The following ASZ1 variants were observed in gnomAD, a reference collection of about 807,000 sequenced individuals.
ASZ1 encodes the protein ankyrin repeat, SAM and basic leucine zipper domain containing 1, also known as ankyrin repeat, SAM and basic leucine zipper domain-containing protein 1.
A neutral mutation model predicts 61.8 loss-of-function variants in ASZ1; 67 were observed. The ratio of observed to expected loss-of-function variants is 1.08; its 90% CI spans 0.89 to 1.33. ASZ1 has a LOEUF of 1.33. Ranked by LOEUF, ASZ1 falls within the 40% of genes most tolerant of loss-of-function variation. The pLI, the probability that ASZ1 is intolerant of heterozygous loss-of-function variation, is 0.00. For synonymous variants in ASZ1, 193 were observed against 192.7 expected (o/e 1.00, Z -0.01); for missense variants, 577 against 554.5 (o/e 1.04, Z -0.41).
intron 9 of ASZ1, 39 bp from the exon 10 acceptor site, chr7:117,380,086 T>C (rs1554360882): frequency 7.5e-6 from 10 of 1,328,882 alleles, no homozygotes; most frequent in African/African-American, 1.5e-5. Flanking sequence ...AAGTTAGTTA[T>C]ACTTGAGTAA....
At chr7:117,404,129 T>G (rs1796734288) in intron 4 of ASZ1, among the ~76,000 whole-genome samples, 1 of 151,986 alleles carries the variant, frequency 6.6e-6, no homozygotes, top group African/African-American at 2.4e-5. Flanking sequence ...TATATATAGT[T>G]TTTATATGAG....
intron 4 of ASZ1, among the ~76,000 whole-genome samples, chr7:117,399,627 A>G (rs542426458): frequency 7.2e-4 from 108 of 149,906 alleles, no homozygotes; most frequent in South Asian, 1.1e-3. Flanking sequence ...AGTTGGCTAC[A>G]TGTAAAGTGT....
intron 4 of ASZ1, among the ~76,000 whole-genome samples, chr7:117,408,990 G>A (rs1370262522): frequency 6.6e-6 from 1 of 152,090 alleles, no homozygotes; most frequent in Non-Finnish European, 1.5e-5. Flanking sequence ...ATCTCAGTAA[G>A]TGGAATAAAA....
At chr7:117,370,712 A>C (rs2116448998) in intron 10 of ASZ1, among the ~76,000 whole-genome samples, 1 of 152,234 alleles carries the variant, frequency 6.6e-6, no homozygotes, top group South Asian at 2.1e-4. Flanking sequence ...AAGAGTTGAC[A>C]AGTGTATTAG....
At chr7:117,407,482 T>G (rs1009640140) in intron 4 of ASZ1, among the ~76,000 whole-genome samples, 5 of 152,124 alleles carry the variant, frequency 3.3e-5, no homozygotes, top group African/African-American at 1.2e-4. Flanking sequence ...CCCCAGTGGA[T>G]GCCTGAGGCC....
Position 117,427,338 on chromosome 7 carries a change from C to T in ASZ1, c.105+18G>A. On this transcript the variant is annotated intron_variant, in intron 1 of 12. Coordinates refer to ENST00000284629, the MANE Select transcript of ASZ1 (RefSeq NM_130768.3). ...AGGCTGAAACCAGGTGTGGTCAAGA[C>T]AAGGCCTCCTCCGCTACCTGAGACG... 1.2e-6 allele frequency: 2 copies of T among 1,613,636 alleles called. No individual in the cohort carries two copies. The highest frequency in any genetic ancestry group is 1.7e-6 in the Non-Finnish European group (2 of 1,179,482).
chr7:117,365,789 G>A (rs1795925818), intron 12 of ASZ1, among the ~76,000 whole-genome samples: 1 of 152,190 alleles, frequency 6.6e-6, no homozygotes, highest in South Asian at 2.1e-4. Flanking sequence ...GCAGTCTTAT[G>A]TTTGTTGAAT....
intron 12 of ASZ1, among the ~76,000 whole-genome samples, chr7:117,366,172 G>A (rs1483502783): frequency 6.6e-6 from 1 of 152,070 alleles, no homozygotes; most frequent in Non-Finnish European, 1.5e-5. Flanking sequence ...GCTGAGGCAG[G>A]AGAATTGCTT....
At chr7:117,385,620 T>C (rs1796338777) in intron 5 of ASZ1, 78 bp downstream of exon 5, 2 of 1,191,628 alleles carry the variant, frequency 1.7e-6, no homozygotes, top group Non-Finnish European at 1.2e-6. Flanking sequence ...TTTGTAATTA[T>C]TACTTCTTAA....
intron 4 of ASZ1, among the ~76,000 whole-genome samples, chr7:117,418,577 C>A (rs1797039867): frequency 6.6e-6 from 1 of 151,870 alleles, no homozygotes; most frequent in Non-Finnish European, 1.5e-5. Context: ...CATTTGAACC[C>A]AGGAGGCAGA....
chr7:117,391,556 T>G (rs1796468663), intron 4 of ASZ1, among the ~76,000 whole-genome samples: 1 of 152,198 alleles, frequency 6.6e-6, no homozygotes, highest in Non-Finnish European at 1.5e-5. Context: ...ATTTACTGAA[T>G]AGGGTATCCT....
chr7:117,395,185 C>T (rs1380281425), intron 4 of ASZ1, among the ~76,000 whole-genome samples: 2 of 152,094 alleles, frequency 1.3e-5, no homozygotes, highest in Admixed American at 6.5e-5. Context: ...CTTTGGCGAG[C>T]GACTCTTTTT....
chr7:117,367,579 T>C, intron 11 of ASZ1, 114 bp from the exon 12 acceptor site: 1 of 1,187,306 alleles, frequency 8.4e-7, no homozygotes, highest in Non-Finnish European at 1.1e-6. Context: ...TTGAAAGGCA[T>C]TTTTTTGTTT....
intron 6 of ASZ1, 132 bp downstream of exon 6, chr7:117,384,594 C>T: frequency 4.7e-6 from 5 of 1,061,042 alleles, no homozygotes; most frequent in Non-Finnish European, 6.5e-6. Context: ...AGGAAAGATA[C>T]ATATTTAAAC....
intron 10 of ASZ1, among the ~76,000 whole-genome samples, chr7:117,371,201 C>T (rs756717699): frequency 3.3e-5 from 5 of 152,108 alleles, no homozygotes; most frequent in African/African-American, 4.8e-5. Flanking sequence ...AAGTTTCTTA[C>T]ACTATTTCTA....
intron 4 of ASZ1, among the ~76,000 whole-genome samples, chr7:117,391,784 G>A (rs1796474242): frequency 6.6e-6 from 1 of 151,650 alleles, no homozygotes; most frequent in African/African-American, 2.4e-5. Flanking sequence ...GTTCTTTTTT[G>A]GTTTCATATT....
In ASZ1 at chr7:117,373,779, C is replaced by T. The variant is rs1012946483; in HGVS notation, c.1056-5062G>A. Among the ~76,000 whole-genome samples the T allele has an allele frequency of 3.9e-5, 6 of 152,282 alleles. No individual in the cohort carries two copies. In the South Asian group the frequency reaches 6.2e-4, roughly 16 times the overall value. On this transcript the variant is annotated intron_variant, in intron 10 of 12. Transcript: ENST00000284629. Reference sequence around the variant, plus strand: ...TATTCAGGATTCTGCACATTCTTTACATTTATTAAATCCCATAAAGTAAAT... The same window carrying T: ...TATTCAGGATTCTGCACATTCTTTATATTTATTAAATCCCATAAAGTAAAT...
intron 4 of ASZ1, among the ~76,000 whole-genome samples, chr7:117,418,775 A>C (rs1797045585): frequency 1.3e-5 from 2 of 152,150 alleles, no homozygotes; most frequent in African/African-American, 4.8e-5. Context: ...CAGCCTGGGC[A>C]ACATAGTGAA....
intron 10 of ASZ1, among the ~76,000 whole-genome samples, chr7:117,376,509 C>A (rs187190849): frequency 3.9e-5 from 6 of 152,056 alleles, no homozygotes; most frequent in Admixed American, 1.3e-4. Flanking sequence ...ACTTACAGAG[C>A]AATATTTATC....
Sources: gnomAD v4.1 joint callset for allele counts (sites outside exome capture counted in the v4.1 genomes callset) on GRCh38, gnomAD v4.1.1 for gene constraint, MANE v1.5 for transcripts, NCBI Gene and HGNC (gene_info 2026-07-23, HGNC 2026-07-21) for gene names.